CDK14: variants seen among roughly 807,000 people sequenced by gnomAD.
CDK14 encodes the protein cyclin-dependent kinase 14.
In CDK14, 34 loss-of-function variants were observed where a neutral mutation model predicts 60.7. The ratio of observed to expected loss-of-function variants is 0.56; its 90% confidence interval spans 0.43 to 0.75. The LOEUF (loss-of-function observed/expected upper bound fraction) is 0.75, where lower values mean the gene tolerates loss of function less well. Among genes scored for constraint, CDK14 ranks in the 30% least tolerant of loss-of-function variants. CDK14 has a pLI of 0.00. For missense variants in CDK14, 482 were observed against 564.1 expected (o/e 0.85, Z 1.47); for synonymous variants, 197 against 203.7 (o/e 0.97, Z 0.28).
At chr7:91,019,838 G>T (rs1193530866) in intron 10 of CDK14, among the ~76,000 whole-genome samples, 2 of 152,122 alleles carry the variant, frequency 1.3e-5, no homozygotes, top group African/African-American at 2.4e-5. Context: ...TGCTAATAAG[G>T]CCTCTGGCAG....
At chr7:91,044,559 T>C (rs1408005864) in intron 10 of CDK14, among the ~76,000 whole-genome samples, 1 of 152,190 alleles carries the variant, frequency 6.6e-6, no homozygotes, top group African/African-American at 2.4e-5. Context: ...ATGAGGTATG[T>C]CCAGCTCCCC....
At position 90,918,990 on chromosome 7, in the gene CDK14, G is replaced by C. The variant is rs1429739143; in HGVS notation, c.826+1266G>C. Among the ~76,000 whole-genome samples, 3 of 152,050 alleles carry C rather than the reference G, an allele frequency of 2.0e-5. No homozygotes were observed. The East Asian group carries it at 5.8e-4, about 29-fold the overall frequency. ...CATTAGTTTGTGTGTATCATTTATT[G>C]CCAGATTTTAACATTGGAATTACAC... On this transcript the variant is annotated intron_variant, in intron 8 of 14. Transcript: ENST00000380050.
chr7:90,798,705 G>A (rs950217437), intron 5 of CDK14, among the ~76,000 whole-genome samples: 6 of 152,194 alleles, frequency 3.9e-5, no homozygotes, highest in Admixed American at 3.9e-4. Context: ...AATACTTGAA[G>A]CAACTCTAAT....
At chr7:90,934,385 G>C (rs1254189646) in intron 8 of CDK14, among the ~76,000 whole-genome samples, 1 of 152,236 alleles carries the variant, frequency 6.6e-6, no homozygotes, top group African/African-American at 2.4e-5. Context: ...CCATTTACCA[G>C]TCCTCTGGGA....
intron 4 of CDK14, among the ~76,000 whole-genome samples, chr7:90,751,879 T>A (rs1174984553): frequency 6.6e-6 from 1 of 152,172 alleles, no homozygotes; most frequent in Non-Finnish European, 1.5e-5. Context: ...GGGTCACTAT[T>A]TTTATATCAG....
chr7:90,754,820 GAC>G lies in CDK14; in HGVS notation c.464+7048_464+7049del, dbSNP rs200296491. 5.9e-3 allele frequency among the ~76,000 whole-genome samples: 896 copies of G among 152,196 alleles called. 15 individuals are homozygous for G. The highest frequency in any genetic ancestry group is 0.02 in the African/African-American group (844 of 41,536). ...TGAGCAAAATACATGAACAGAAACAGACACTTCTCAAAAGAAGACATTCAAGC... is the reference window on the plus strand; with the variant it reads ...TGAGCAAAATACATGAACAGAAACAGACTTCTCAAAAGAAGACATTCAAGC... On this transcript the variant is annotated intron_variant, in intron 4 of 14. Coordinates refer to ENST00000380050, the MANE Select transcript of CDK14 (RefSeq NM_001287135.2).
chr7:90,605,247 G>A (rs936621110), intron 2 of CDK14, among the ~76,000 whole-genome samples: 6 of 152,166 alleles, frequency 3.9e-5, no homozygotes, highest in African/African-American at 1.4e-4. Context: ...CCTGCTCCAG[G>A]CTGGGATTTC....
At chr7:90,824,117 G>T (rs577835083) in intron 5 of CDK14, among the ~76,000 whole-genome samples, 1 of 152,280 alleles carries the variant, frequency 6.6e-6, no homozygotes, top group South Asian at 2.1e-4. Flanking sequence ...AACAGATGTA[G>T]GTGTGACTGA....
intron 2 of CDK14, among the ~76,000 whole-genome samples, chr7:90,638,178 G>T (rs894641364): frequency 5.3e-5 from 8 of 152,084 alleles, no homozygotes; most frequent in Non-Finnish European, 8.8e-5. Flanking sequence ...CCATTATGAT[G>T]TTAGCTGGTT....
intron 6 of CDK14, among the ~76,000 whole-genome samples, chr7:90,898,601 T>G (rs1792408544): frequency 6.6e-6 from 1 of 152,024 alleles, no homozygotes; most frequent in Admixed American, 6.6e-5. Flanking sequence ...TATATATAGT[T>G]TATGATATAA....
chr7:90,601,196 A>G (rs2116309827), intron 1 of CDK14, among the ~76,000 whole-genome samples: 1 of 152,390 alleles, frequency 6.6e-6, no homozygotes. Context: ...AGAATAATGT[A>G]ATATGCTTGT....
chr7:90,646,716 A>G (rs934060026), intron 2 of CDK14, among the ~76,000 whole-genome samples: 2 of 152,148 alleles, frequency 1.3e-5, no homozygotes, highest in Non-Finnish European at 2.9e-5. Flanking sequence ...GTTTTATATC[A>G]GCATGTATAT....
At chr7:90,828,968 T>C in intron 5 of CDK14, among the ~76,000 whole-genome samples, 1 of 152,094 alleles carries the variant, frequency 6.6e-6, no homozygotes, top group South Asian at 2.1e-4. Context: ...CAGATCTGCA[T>C]GTCTGGGGGA....
intron 14 of CDK14, among the ~76,000 whole-genome samples, chr7:91,132,012 G>GGTTGGTTC (rs891867734): frequency 6.6e-6 from 1 of 152,070 alleles, no homozygotes; most frequent in East Asian, 1.9e-4. Context: ...TTGGTTGGTT[G>GGTTGGTTC]GTTGGTTGGT....
At chr7:91,057,917 A>G (rs1797637581) in intron 11 of CDK14, among the ~76,000 whole-genome samples, 1 of 152,048 alleles carries the variant, frequency 6.6e-6, no homozygotes, top group Non-Finnish European at 1.5e-5. Context: ...ATGAACTTTA[A>G]AGTAGTTTTA....
chr7:90,857,146 C>G (rs892392039), intron 5 of CDK14, among the ~76,000 whole-genome samples: 1 of 150,480 alleles, frequency 6.6e-6, no homozygotes, highest in African/African-American at 2.4e-5. Context: ...CAGTGGGTAT[C>G]TGATAAAATG....
chr7:91,035,410 A>G (rs1046555311), intron 10 of CDK14, among the ~76,000 whole-genome samples: 17 of 152,146 alleles, frequency 1.1e-4, no homozygotes, highest in Non-Finnish European at 2.5e-4. Context: ...TTTGCTGTAT[A>G]TCAATATCTT....
At chr7:90,600,930 G>A (rs1799301862) in intron 1 of CDK14, among the ~76,000 whole-genome samples, 1 of 152,156 alleles carries the variant, frequency 6.6e-6, no homozygotes, top group African/African-American at 2.4e-5. Context: ...CAGTCAGATC[G>A]ACTGACTAAT....
At chr7:90,702,927 AT>A (rs1801818684) in intron 2 of CDK14, among the ~76,000 whole-genome samples, 1 of 151,984 alleles carries the variant, frequency 6.6e-6, no homozygotes, top group South Asian at 2.1e-4. Flanking sequence ...CTAAGTGAAA[AT>A]TTGGAAAGCT....
Sources: allele counts gnomAD v4.1 joint callset (sites outside exome capture counted in the v4.1 genomes callset), GRCh38; gene constraint gnomAD v4.1.1; transcripts MANE v1.5; gene names NCBI Gene and HGNC (gene_info 2026-07-23, HGNC 2026-07-21).